Variants in RBFOX1 observed in about 807,000 individuals in gnomAD.
RBFOX1 encodes the protein RNA binding protein fox-1 homolog 1.
A neutral mutation model predicts 57.7 loss-of-function variants in RBFOX1; 8 were observed. The observed-to-expected ratio is 0.14, with a 90% CI of 0.08 to 0.25. RBFOX1 has a LOEUF of 0.25. Among genes scored for constraint, RBFOX1 ranks in the 10% least tolerant of loss-of-function variants. The pLI, the probability that RBFOX1 is intolerant of heterozygous loss-of-function variation, is 1.00. For synonymous variants in RBFOX1, 326 were observed against 222.4 expected (o/e 1.47, Z -4.15); for missense variants, 611 against 548.5 (o/e 1.11, Z -1.14).
At chr16:5,595,806 G>C (rs535135275) in intron 2 of RBFOX1, among the ~76,000 whole-genome samples, 109 of 152,280 alleles carry the variant, frequency 7.2e-4, no homozygotes, top group Admixed American at 1.7e-3. Flanking sequence ...ACGGGATTGG[G>C]CACAGAGCTT....
chr16:6,367,077 C>G (rs1012163993), intron 2 of RBFOX1, among the ~76,000 whole-genome samples: 8 of 152,162 alleles, frequency 5.3e-5, no homozygotes, highest in Non-Finnish European at 1.2e-4. Flanking sequence ...TAGCTCCTGC[C>G]TGAGCTTTGG....
At position 7,422,246 on chromosome 16, in the gene RBFOX1, C is replaced by G. The variant is rs371052705; in HGVS notation, c.28-95901C>G. Among the ~76,000 whole-genome samples, 8 of 152,096 alleles carry G rather than the reference C, an allele frequency of 5.3e-5. No homozygotes were observed. The East Asian group carries it at 1.5e-3, about 29-fold the overall frequency. ...CCAGTAGGCTGTTAGGCACGGCACT[C>G]AGAAACAGCCCTATTGTTTTAGATT... On this transcript the variant is annotated intron_variant, in intron 4 of 15. Transcript: ENST00000550418.
rs77889074 is a variant in RBFOX1, at chr16:7,655,762, T to C, written c.890+1815T>C. Among the ~76,000 whole-genome samples, 912 of 152,328 alleles carry C rather than the reference T, an allele frequency of 6.0e-3. 10 individuals are homozygous for C. Among genetic ancestry groups the C allele is most frequent in the African/African-American group, 0.021 (872 of 41,560 alleles). Reference sequence around the variant, plus strand: ...ATGGGAGTTGAAGGGTTTTAGTATATCTACCATCAGTATCTCACTACTATA... The same window carrying C: ...ATGGGAGTTGAAGGGTTTTAGTATACCTACCATCAGTATCTCACTACTATA... On this transcript the variant is annotated intron_variant, in intron 12 of 15. Transcript: ENST00000550418.
chr16:5,843,599 G>C (rs761993998), intron 3 of RBFOX1, among the ~76,000 whole-genome samples: 8 of 152,088 alleles, frequency 5.3e-5, no homozygotes, highest in Admixed American at 1.3e-4. Flanking sequence ...GCACATCTGT[G>C]TTCACTGCAG....
At chr16:5,384,154 G>T (rs1219786163) in intron 1 of RBFOX1, among the ~76,000 whole-genome samples, 3 of 152,204 alleles carry the variant, frequency 2.0e-5, no homozygotes, top group Non-Finnish European at 4.4e-5. Context: ...TCATTGCTTA[G>T]CAATTCCTGC....
intron 14 of RBFOX1, among the ~76,000 whole-genome samples, chr16:7,705,367 T>G (rs901212715): frequency 5.3e-5 from 8 of 152,000 alleles, no homozygotes; most frequent in Admixed American, 5.2e-4. Flanking sequence ...TAGCTGGGTG[T>G]GGTGGCAGGT....
At chr16:7,452,817 C>G (rs904098688) in intron 4 of RBFOX1, among the ~76,000 whole-genome samples, 4 of 152,174 alleles carry the variant, frequency 2.6e-5, no homozygotes, top group African/African-American at 7.2e-5. Flanking sequence ...AAAATGGTCA[C>G]AAAAGGTAAA....
At chr16:6,596,559 T>C (rs2097778559) in intron 2 of RBFOX1, among the ~76,000 whole-genome samples, 1 of 152,210 alleles carries the variant, frequency 6.6e-6, no homozygotes, top group Non-Finnish European at 1.5e-5. Context: ...GCCTCAACTC[T>C]AGGATAAGAG....
At chr16:6,439,545 C>T (rs896074023) in intron 2 of RBFOX1, among the ~76,000 whole-genome samples, 2 of 152,134 alleles carry the variant, frequency 1.3e-5, no homozygotes, top group Non-Finnish European at 2.9e-5. Flanking sequence ...AGTCATCCAA[C>T]CTGCAGTTTG....
chr16:7,380,841 C>G (rs995712005), intron 4 of RBFOX1, among the ~76,000 whole-genome samples: 1 of 152,166 alleles, frequency 6.6e-6, no homozygotes, highest in African/African-American at 2.4e-5. Flanking sequence ...GGGGTCTTCT[C>G]CCTCTTGCTA....
intron 2 of RBFOX1, among the ~76,000 whole-genome samples, chr16:6,437,869 C>T (rs1330491603): frequency 1.3e-5 from 2 of 152,180 alleles, no homozygotes; most frequent in East Asian, 3.9e-4. Flanking sequence ...TCACGTCCCA[C>T]CAGCTCCCTC....
intron 3 of RBFOX1, among the ~76,000 whole-genome samples, chr16:5,662,428 C>G (rs2049685594): frequency 6.6e-6 from 1 of 152,130 alleles, no homozygotes; most frequent in South Asian, 2.1e-4. Context: ...TCATCACTTT[C>G]AGACACGTTC....
intron 3 of RBFOX1, among the ~76,000 whole-genome samples, chr16:6,989,324 TTCTC>T (rs1291948048): frequency 1.4e-4 from 22 of 152,246 alleles, no homozygotes; most frequent in African/African-American, 5.1e-4. Flanking sequence ...TTATATGTGC[TTCTC>T]TCTGTCTATC....
intron 12 of RBFOX1, among the ~76,000 whole-genome samples, chr16:7,657,489 G>C (rs188004283): frequency 2.6e-4 from 39 of 152,286 alleles, no homozygotes; most frequent in African/African-American, 9.1e-4. Context: ...ATTTTTAATA[G>C]AGATGGGGTT....
In RBFOX1 at chr16:7,433,987, C is replaced by G. The variant is rs190772597; in HGVS notation, c.28-84160C>G. Among the ~76,000 whole-genome samples the G allele has an allele frequency of 2.6e-5, 4 of 152,118 alleles. No individual in the cohort carries two copies. In the East Asian group the frequency reaches 7.8e-4, roughly 29 times the overall value. ...GTGCAATTTTGAGTATTTGTGAGAA[C>G]GATGAGAGGGAACAGTTAATACTAT... On this transcript the variant is annotated intron_variant, in intron 4 of 15. Transcript: ENST00000550418.
intron 3 of RBFOX1, among the ~76,000 whole-genome samples, chr16:5,669,552 C>T (rs12925155): frequency 0.55 from 83,688 of 151,640 alleles, 26,449 homozygotes; most frequent in Non-Finnish European, 0.72. Context: ...GCCAAGTAGC[C>T]GGGATTGCAG....
intron 4 of RBFOX1, among the ~76,000 whole-genome samples, chr16:7,072,671 C>A (rs1044406848): frequency 6.6e-6 from 1 of 152,066 alleles, no homozygotes; most frequent in African/African-American, 2.4e-5. Flanking sequence ...CTGTTTTTTG[C>A]CATGTTAGAA....
intron 3 of RBFOX1, among the ~76,000 whole-genome samples, chr16:6,844,717 G>A (rs975103261): frequency 6.6e-6 from 1 of 152,110 alleles, no homozygotes; most frequent in Admixed American, 6.5e-5. Context: ...TTGGATTGTT[G>A]GGTCAAATGG....
At chr16:7,442,785 G>A (rs906512193) in intron 4 of RBFOX1, among the ~76,000 whole-genome samples, 1 of 152,156 alleles carries the variant, frequency 6.6e-6, no homozygotes, top group South Asian at 2.1e-4. Context: ...GACGTCGATC[G>A]TCACCCACCA....
Sources: allele counts gnomAD v4.1 joint callset (sites outside exome capture counted in the v4.1 genomes callset), GRCh38; gene constraint gnomAD v4.1.1; transcripts MANE v1.5; gene names NCBI Gene and HGNC (gene_info 2026-07-23, HGNC 2026-07-21).